Variants in NXPE2 observed in about 807,000 individuals in gnomAD.
NXPE2 encodes the protein NXPE family member 2.
In NXPE2, 34 loss-of-function variants were observed where a neutral mutation model predicts 34.4. The ratio of observed to expected loss-of-function variants is 0.99; its 90% confidence interval spans 0.75 to 1.31. The LOEUF (loss-of-function observed/expected upper bound fraction) is 1.31. Ranked by LOEUF, NXPE2 falls within the 40% of genes most tolerant of loss-of-function variation. The pLI, the probability that NXPE2 is intolerant of heterozygous loss-of-function variation, is 0.00. For missense variants in NXPE2, 649 were observed against 672.5 expected (o/e 0.97, Z 0.39); for synonymous variants, 235 against 231.3 (o/e 1.02, Z -0.15).
At chr11:114,686,375 T>G (rs1490746549) in intron 2 of NXPE2, among the ~76,000 whole-genome samples, 2 of 152,268 alleles carry the variant, frequency 1.3e-5, no homozygotes, top group East Asian at 3.9e-4. Context: ...GGTATTTGGT[T>G]TTCTGTTTCT....
chr11:114,711,692 A>G (rs1316956304), downstream of NXPE2, among the ~76,000 whole-genome samples: 1 of 152,188 alleles, frequency 6.6e-6, no homozygotes, highest in Non-Finnish European at 1.5e-5. Flanking sequence ...AAAGCAATCT[A>G]CAGCTCCAGT....
chr11:114,573,008 T>G, the NXPE2 span, among the ~76,000 whole-genome samples: 1 of 152,196 alleles, frequency 6.6e-6, no homozygotes, highest in African/African-American at 2.4e-5. Context: ...GATTAACAGC[T>G]GATTTCTCAG....
At chr11:114,569,450 A>G in the NXPE2 span, among the ~76,000 whole-genome samples, 1 of 152,270 alleles carries the variant, frequency 6.6e-6, no homozygotes, top group South Asian at 2.1e-4. Flanking sequence ...ATTTTTTCAA[A>G]CAAAAAGCTC....
intron 1 of NXPE2, 71 bp from the exon 2 acceptor site, chr11:114,679,586 A>T: frequency 1.1e-6 from 1 of 897,290 alleles, no homozygotes; most frequent in Non-Finnish European, 1.7e-6. Flanking sequence ...ACTGAAGAGG[A>T]ACCAAAGTGT....
At chr11:114,633,030 T>A in the NXPE2 span, among the ~76,000 whole-genome samples, 1 of 112,544 alleles carries the variant, frequency 8.9e-6, no homozygotes, top group Non-Finnish European at 1.6e-5. Context: ...TATAATGTAA[T>A]ATTTTATTAT....
chr11:114,522,295 G>A, the NXPE2 span: 6 of 1,614,090 alleles, frequency 3.7e-6, no homozygotes, highest in Non-Finnish European at 5.1e-6. Context: ...TAAAGTGCTG[G>A]CCAAAGGTGA....
At chr11:114,791,809 C>T in the NXPE2 span, among the ~76,000 whole-genome samples, 2 of 152,314 alleles carry the variant, frequency 1.3e-5, 1 homozygote, top group African/African-American at 4.8e-5. Context: ...GTAATCCCAG[C>T]ACTTTGGGAG....
At chr11:114,769,291 C>T in the NXPE2 span, among the ~76,000 whole-genome samples, 64,319 of 149,528 alleles carry the variant, frequency 0.43, 15,329 homozygotes, top group South Asian at 0.61. Context: ...GAATGGCAAT[C>T]ATTAAGAAGT....
the NXPE2 span, among the ~76,000 whole-genome samples, chr11:114,505,323 C>T: frequency 2.6e-5 from 4 of 152,244 alleles, no homozygotes; most frequent in Admixed American, 1.3e-4. Context: ...GCCATGAGAA[C>T]TTCCCCAACC....
At chr11:114,522,353 G>C in the NXPE2 span, 15 of 1,613,946 alleles carry the variant, frequency 9.3e-6, no homozygotes, top group Non-Finnish European at 1.3e-5. Context: ...AATTTCCCGA[G>C]GGATATAATC....
the NXPE2 span, among the ~76,000 whole-genome samples, chr11:114,796,581 C>T: frequency 2.0e-5 from 3 of 152,172 alleles, no homozygotes; most frequent in South Asian, 6.2e-4. Flanking sequence ...AAACCAAAGG[C>T]ATAGTGAATC....
At chr11:114,725,994 A>ATAT in the NXPE2 span, among the ~76,000 whole-genome samples, 166 of 87,160 alleles carry the variant, frequency 1.9e-3, 2 homozygotes, top group East Asian at 2.6e-3. Flanking sequence ...TATATATATA[A>ATAT]AAAGAAAAAG....
chr11:114,530,037 G>A, the NXPE2 span: 1 of 839,050 alleles, frequency 1.2e-6, no homozygotes, highest in Non-Finnish European at 1.8e-6. Flanking sequence ...GTGAGTAGAG[G>A]CCCCAAGAAG....
chr11:114,722,239 C>T, the NXPE2 span, among the ~76,000 whole-genome samples: 5 of 152,200 alleles, frequency 3.3e-5, no homozygotes, highest in South Asian at 1.0e-3. Flanking sequence ...CCATGCTGTT[C>T]TCATGATAGT....
the NXPE2 span, among the ~76,000 whole-genome samples, chr11:114,754,813 T>C: frequency 6.6e-6 from 1 of 152,176 alleles, no homozygotes; most frequent in African/African-American, 2.4e-5. Flanking sequence ...CTGGATTAAC[T>C]CTTTGATTTC....
chr11:114,636,810 G>A, the NXPE2 span, among the ~76,000 whole-genome samples: 2 of 152,082 alleles, frequency 1.3e-5, no homozygotes, highest in African/African-American at 2.4e-5. Context: ...TAGTTTGATT[G>A]CACTGTGGTC....
At position 114,706,571 on chromosome 11, in the gene NXPE2, G is replaced by A. The variant is rs1490192493; in HGVS notation, c.1321G>A (p.Asp441Asn). The A allele has an allele frequency of 1.9e-6, 3 of 1,551,804 alleles. No homozygotes were observed. The highest frequency in any genetic ancestry group is 2.6e-6 in the Non-Finnish European group (3 of 1,146,996). The change falls in exon 6 of 6, where the codon GAC (aspartate) becomes AAC (asparagine). Residue 441 changes from aspartate to asparagine, a missense_variant. By Grantham distance (23) the Asp-to-Asn change is conservative (BLOSUM62 1). Coordinates refer to ENST00000389586, the MANE Select transcript of NXPE2 (RefSeq NM_182495.6). ...IPREIDQVAGDKNTAIVITLG... is the reference protein window; with the variant it reads ...IPREIDQVAGNKNTAIVITLG... Reference sequence around the variant, plus strand: ...ACGGGAAATTGACCAGGTAGCAGGAGACAAAAACACAGCCATTGTCATTAC... The same window carrying A: ...ACGGGAAATTGACCAGGTAGCAGGAAACAAAAACACAGCCATTGTCATTAC...
At chr11:114,515,192 A>AT in the NXPE2 span, among the ~76,000 whole-genome samples, 2,566 of 150,682 alleles carry the variant, frequency 0.017, 51 homozygotes, top group African/African-American at 0.056. Context: ...CTAGTCTTTT[A>AT]TTTTTTTTTA....
chr11:114,758,675 C>A, the NXPE2 span, among the ~76,000 whole-genome samples: 1,405 of 152,178 alleles, frequency 9.2e-3, 21 homozygotes, highest in African/African-American at 0.032. Context: ...CAGCACCCTT[C>A]ACTTGCATAG....
Sources: gnomAD v4.1 joint callset for allele counts (sites outside exome capture counted in the v4.1 genomes callset) on GRCh38, gnomAD v4.1.1 for gene constraint, MANE v1.5 for transcripts, NCBI Gene and HGNC (gene_info 2026-07-23, HGNC 2026-07-21) for gene names.